The following OXCT1 variants were observed in gnomAD, a reference collection of about 807,000 sequenced individuals.
OXCT1 encodes 3-oxoacid CoA-transferase 1, also known as succinyl-CoA:3-ketoacid coenzyme A transferase 1, mitochondrial.
Under a neutral mutation model 69.6 loss-of-function variants are expected in OXCT1, and 27 were observed. That is an observed-to-expected ratio of 0.39 (90% CI 0.29 to 0.54). The LOEUF (loss-of-function observed/expected upper bound fraction) is 0.54, where lower values mean the gene tolerates loss of function less well. Ranked by LOEUF, OXCT1 falls within the 20% of genes least tolerant of loss-of-function variation. The pLI, the probability that OXCT1 is intolerant of heterozygous loss-of-function variation, is 0.72. For missense variants in OXCT1, 437 were observed against 650.2 expected (o/e 0.67, Z 3.57); for synonymous variants, 202 against 217.8 (o/e 0.93, Z 0.64).
At chr5:41,842,053 T>A (rs1314795866) in intron 6 of OXCT1, among the ~76,000 whole-genome samples, 1 of 152,212 alleles carries the variant, frequency 6.6e-6, no homozygotes, top group Non-Finnish European at 1.5e-5. Context: ...CTCAAAGGTT[T>A]CATATTCCTC....
At chr5:41,743,713 C>A (rs1743314882) in intron 15 of OXCT1, among the ~76,000 whole-genome samples, 1 of 152,132 alleles carries the variant, frequency 6.6e-6, no homozygotes, top group Non-Finnish European at 1.5e-5. Flanking sequence ...GCCAGTTTTC[C>A]CAGCACCATT....
chr5:41,824,531 A>T (rs1162262963), intron 7 of OXCT1, among the ~76,000 whole-genome samples: 1 of 152,186 alleles, frequency 6.6e-6, no homozygotes, highest in Non-Finnish European at 1.5e-5. Context: ...TTTACATATA[A>T]AATATTACCT....
chr5:41,844,989 T>C (rs1040834286), intron 5 of OXCT1, among the ~76,000 whole-genome samples: 9 of 151,028 alleles, frequency 6.0e-5, no homozygotes, highest in Admixed American at 2.0e-4. Flanking sequence ...ACAGTGATAG[T>C]TACAAAAGAC....
At chr5:41,751,206 C>T (rs1429571231) in intron 14 of OXCT1, among the ~76,000 whole-genome samples, 2 of 152,092 alleles carry the variant, frequency 1.3e-5, no homozygotes, top group African/African-American at 2.4e-5. Flanking sequence ...TAAATCAAGG[C>T]ATGTCACAAT....
intron 4 of OXCT1, among the ~76,000 whole-genome samples, chr5:41,851,812 T>C (rs1749187752): frequency 6.6e-6 from 1 of 152,206 alleles, no homozygotes. Flanking sequence ...TAATTTTCAA[T>C]AGTTCCACAA....
rs1159079285 is a variant in OXCT1, at chr5:41,870,190, C to A, written c.78+91G>T. On this transcript the variant is annotated intron_variant, in intron 1 of 16. Transcript: ENST00000196371. This position sits in a 1 kb window ranked among gnomAD's most constrained non-coding sequence, Gnocchi z 4.2. ...ATGCCAGATCCCAGGCTGGAGAGAG[C>A]GGGTAGGGGCAGAGAAGAAAACGCG... 1 of 976,294 alleles carries A rather than the reference C, an allele frequency of 1.0e-6. No homozygotes were observed. The highest frequency in any genetic ancestry group is 1.6e-6 in the Non-Finnish European group (1 of 613,854). The allele number at this position is 976,294 out of a possible 1,614,324, so 60.5% of individuals were successfully genotyped here.
chr5:41,732,409 C>G (rs918464019), intron 16 of OXCT1, among the ~76,000 whole-genome samples: 1 of 152,052 alleles, frequency 6.6e-6, no homozygotes, highest in African/African-American at 2.4e-5. Flanking sequence ...TGCTTTCCTG[C>G]GAATCTGCAA....
Position 41,828,412 on chromosome 5 carries a change from C to T in OXCT1, c.732+12039G>A, listed in dbSNP as rs535773205. On this transcript the variant is annotated intron_variant, in intron 7 of 16. Coordinates refer to ENST00000196371, the MANE Select transcript of OXCT1 (RefSeq NM_000436.4). Reference sequence around the variant, plus strand: ...TTGCTGGGATTACAGGCATGAGCCACTGCACATGGCCAGGCTACACATTTC... The same window carrying T: ...TTGCTGGGATTACAGGCATGAGCCATTGCACATGGCCAGGCTACACATTTC... Among the ~76,000 whole-genome samples, 5 of 152,230 alleles carry T rather than the reference C, an allele frequency of 3.3e-5. No homozygotes were observed. The South Asian group carries it at 1.0e-3, about 32-fold the overall frequency.
chr5:41,843,477 A>G, intron 5 of OXCT1: 1 of 449,392 alleles, frequency 2.2e-6, no homozygotes, highest in Admixed American at 2.4e-5. Flanking sequence ...TTCTGACATT[A>G]CTGATCTAGG....
chr5:41,747,902 G>A (rs1272762004), intron 15 of OXCT1, among the ~76,000 whole-genome samples: 2 of 151,964 alleles, frequency 1.3e-5, no homozygotes, highest in Non-Finnish European at 2.9e-5. Flanking sequence ...ATTAGCATCT[G>A]GCGTGTGTCT....
rs377535915 is a variant in OXCT1, at chr5:41,780,240, C to T, written c.1248+13763G>A. ...TGAGAAAATTTGAGATGAAAAGGCA[C>T]GAGAATAACTTAAAAATTGTTAAAA... On this transcript the variant is annotated intron_variant, in intron 13 of 16. Coordinates refer to ENST00000196371, the MANE Select transcript of OXCT1 (RefSeq NM_000436.4). Among the ~76,000 whole-genome samples, 191 of 151,998 alleles carry T rather than the reference C, an allele frequency of 1.3e-3. 1 individual carries two copies. The highest frequency in any genetic ancestry group is 1.1e-3 in the Non-Finnish European group (77 of 67,936).
chr5:41,793,922 A>T, intron 13 of OXCT1, 81 bp downstream of exon 13: 40 of 816,516 alleles, frequency 4.9e-5, no homozygotes, highest in Non-Finnish European at 7.8e-5. Context: ...AAGAATCGTG[A>T]TCTCATGGCC....
chr5:41,854,558 C>A (rs1468886395), intron 3 of OXCT1, among the ~76,000 whole-genome samples: 1 of 151,832 alleles, frequency 6.6e-6, no homozygotes, highest in East Asian at 1.9e-4. Flanking sequence ...GATAAGAATA[C>A]TTGACCTTAA....
chr5:41,804,009 A>G (rs1426917071), intron 9 of OXCT1, among the ~76,000 whole-genome samples: 3 of 152,216 alleles, frequency 2.0e-5, no homozygotes, highest in South Asian at 2.1e-4. Flanking sequence ...CACTCTGATG[A>G]GATTCTAACA....
chr5:41,796,269 G>A (rs915258522), intron 11 of OXCT1, among the ~76,000 whole-genome samples: 1 of 152,094 alleles, frequency 6.6e-6, no homozygotes, highest in African/African-American at 2.4e-5. Flanking sequence ...CTCTATTCAG[G>A]AGCTTCAGGG....
intron 13 of OXCT1, among the ~76,000 whole-genome samples, chr5:41,789,112 A>C (rs1214920119): frequency 6.6e-6 from 1 of 152,240 alleles, no homozygotes; most frequent in Non-Finnish European, 1.5e-5. Context: ...CTTATATTAG[A>C]GAAAAAAGGT....
At chr5:41,845,822 T>C (rs1004744814) in intron 5 of OXCT1, among the ~76,000 whole-genome samples, 1 of 152,128 alleles carries the variant, frequency 6.6e-6, no homozygotes, top group Non-Finnish European at 1.5e-5. Context: ...GGCTCCTGTC[T>C]TTTACTTTGT....
intron 16 of OXCT1, among the ~76,000 whole-genome samples, chr5:41,737,076 C>G (rs1278126057): frequency 6.6e-6 from 1 of 152,144 alleles, no homozygotes; most frequent in East Asian, 1.9e-4. Flanking sequence ...AGAAAACAAC[C>G]TGTTATATGT....
At chr5:41,797,515 G>A (rs1746237365) in intron 11 of OXCT1, among the ~76,000 whole-genome samples, 1 of 152,166 alleles carries the variant, frequency 6.6e-6, no homozygotes, top group South Asian at 2.1e-4. Context: ...TCAACACAAA[G>A]AGGGCTTTCT....
Sources: gnomAD v4.1 joint callset for allele counts (sites outside exome capture counted in the v4.1 genomes callset) on GRCh38, gnomAD v4.1.1 for gene constraint, Gnocchi (gnomAD v3.1) non-coding constraint, MANE v1.5 for transcripts, NCBI Gene and HGNC (gene_info 2026-07-23, HGNC 2026-07-21) for gene names.